The following FAM107B variants were observed in gnomAD, a reference collection of about 807,000 sequenced individuals.
FAM107B encodes the protein family with sequence similarity 107 member B, also known as protein FAM107B.
In FAM107B, 21 loss-of-function variants were observed where a neutral mutation model predicts 31.5. The observed-to-expected ratio is 0.67, with a 90% CI of 0.47 to 0.96. FAM107B has a LOEUF of 0.96. Ranked by LOEUF, FAM107B falls within the 40% of genes least tolerant of loss-of-function variation. The pLI, the probability that FAM107B is intolerant of heterozygous loss-of-function variation, is 0.00. For missense variants in FAM107B, 452 were observed against 377.1 expected (o/e 1.20, Z -1.64); for synonymous variants, 157 against 141.5 (o/e 1.11, Z -0.78).
intron 2 of FAM107B, among the ~76,000 whole-genome samples, chr10:14,622,289 C>G (rs1211839885): frequency 6.6e-6 from 1 of 150,704 alleles, no homozygotes; most frequent in Non-Finnish European, 1.5e-5. Flanking sequence ...GGACAAGCAC[C>G]TGGGAGCTAG....
intron 2 of FAM107B, among the ~76,000 whole-genome samples, chr10:14,617,691 T>C (rs1161916817): frequency 6.9e-6 from 1 of 144,182 alleles, no homozygotes; most frequent in Non-Finnish European, 1.5e-5. Flanking sequence ...CTGCTGCATC[T>C]AGGAAGGTGC....
At chr10:14,565,045 C>A (rs1850546852) in intron 2 of FAM107B, among the ~76,000 whole-genome samples, 1 of 152,106 alleles carries the variant, frequency 6.6e-6, no homozygotes, top group Admixed American at 6.5e-5. Context: ...AATAGCGAGA[C>A]CCTGTCTCTA....
At chr10:14,740,402 C>T (rs78284169) in intron 1 of FAM107B, among the ~76,000 whole-genome samples, 2,162 of 152,174 alleles carry the variant, frequency 0.014, 53 homozygotes, top group African/African-American at 0.048. Context: ...TGTTGGAAAA[C>T]GCAAAACTAT....
intron 2 of FAM107B, among the ~76,000 whole-genome samples, chr10:14,605,569 T>C (rs532891577): frequency 5.9e-5 from 9 of 152,302 alleles, no homozygotes; most frequent in African/African-American, 2.2e-4. Flanking sequence ...CAAAGATACC[T>C]ATCACACACC....
At chr10:14,551,556 TG>T (rs1233459655) in intron 2 of FAM107B, among the ~76,000 whole-genome samples, 1 of 151,836 alleles carries the variant, frequency 6.6e-6, no homozygotes, top group African/African-American at 2.4e-5. Context: ...CAGTGGTACA[TG>T]GGACATGTTA....
At chr10:14,613,866 C>G (rs1316313009) in intron 2 of FAM107B, among the ~76,000 whole-genome samples, 1 of 152,160 alleles carries the variant, frequency 6.6e-6, no homozygotes, top group African/African-American at 2.4e-5. Flanking sequence ...GGCAGTGGCT[C>G]ACACCTGTAA....
chr10:14,529,432 G>A (rs1846691050), intron 3 of FAM107B: 1 of 152,098 alleles, frequency 6.6e-6, no homozygotes, highest in Admixed American at 6.6e-5. Context: ...TCAGGAAAGA[G>A]AATTGCCATA....
rs995445702 is a variant in FAM107B, at chr10:14,667,703, C to T, written c.412-12G>A. On this transcript the variant is annotated splice_polypyrimidine_tract_variant and intron_variant, in intron 1 of 4. Transcript: ENST00000181796. Reference sequence around the variant, plus strand: ...CGAAATTCTTCTTCCTAAGCGCCAGCCCCATAAACCAGAAAAGCAGGGAGA... The same window carrying T: ...CGAAATTCTTCTTCCTAAGCGCCAGTCCCATAAACCAGAAAAGCAGGGAGA... The T allele has an allele frequency of 1.4e-5, 22 of 1,613,622 alleles. No homozygotes were observed. Among genetic ancestry groups the T allele is most frequent in the Non-Finnish European group, 1.8e-5 (21 of 1,179,830 alleles).
Position 14,760,127 on chromosome 10 carries a change from C to T in FAM107B, c.411+14126G>A, listed in dbSNP as rs534692673. On this transcript the variant is annotated intron_variant, in intron 1 of 4. Transcript: ENST00000181796. Reference sequence around the variant, plus strand: ...TAAGGCCACGTGGGAGAATAGGTTCCAAGATAATTTTTTTCCCTTGAAGAA... The same window carrying T: ...TAAGGCCACGTGGGAGAATAGGTTCTAAGATAATTTTTTTCCCTTGAAGAA... Among the ~76,000 whole-genome samples, 17 of 152,264 alleles carry T rather than the reference C, an allele frequency of 1.1e-4. No homozygotes were observed. The South Asian group carries it at 3.5e-3, about 32-fold the overall frequency.
intron 1 of FAM107B, among the ~76,000 whole-genome samples, chr10:14,738,766 G>A (rs773827453): frequency 7.2e-5 from 11 of 152,280 alleles, no homozygotes; most frequent in Non-Finnish European, 1.2e-4. Flanking sequence ...CACATGGATC[G>A]GGCCCATTGG....
At chr10:14,770,394 G>A (rs1833274184) in intron 1 of FAM107B, among the ~76,000 whole-genome samples, 1 of 151,984 alleles carries the variant, frequency 6.6e-6, no homozygotes, top group Non-Finnish European at 1.5e-5. Flanking sequence ...GTGGTGGCTG[G>A]CGCCTGTAAT....
chr10:14,713,145 C>T (rs1855699716), intron 1 of FAM107B, among the ~76,000 whole-genome samples: 1 of 152,120 alleles, frequency 6.6e-6, no homozygotes, highest in Non-Finnish European at 1.5e-5. Context: ...AACCACATTG[C>T]TGTAATGGAG....
rs528243695 is a variant in FAM107B at position 14,647,861 on chromosome 10, G to A, written c.469+19773C>T. The stretch of plus-strand genomic sequence containing the variant: ...CTGTCTCCAGATGCCAAGGCAATGC[G>A]GTAAACACCCTCTAATATTGCCCCA... On this transcript the variant is annotated intron_variant, in intron 2 of 4. Transcript: ENST00000181796. Among the ~76,000 whole-genome samples, 6 of 152,096 alleles carry A rather than the reference G, an allele frequency of 3.9e-5. No homozygotes were observed. The South Asian group carries it at 1.0e-3, about 26-fold the overall frequency.
rs78310948 is a variant in FAM107B, at chr10:14,672,149, C to T, written c.412-4458G>A. ...GTCTTGCTCTGTTGCCCAGCAGTGG[C>T]GTGATCTCGGCTCACTGCAGCCTCC... On this transcript the variant is annotated intron_variant, in intron 1 of 4. Transcript: ENST00000181796. Among the ~76,000 whole-genome samples the T allele has an allele frequency of 7.2e-3, 1,091 of 150,702 alleles. 15 individuals carry two copies. Among genetic ancestry groups the T allele is most frequent in the African/African-American group, 0.025 (1,022 of 40,888 alleles).
chr10:14,713,223 G>A (rs75282702), intron 1 of FAM107B, among the ~76,000 whole-genome samples: 4,319 of 152,180 alleles, frequency 0.028, 182 homozygotes, highest in African/African-American at 0.097. Context: ...CATACTGTTC[G>A]TCACCCTTGA....
At chr10:14,713,473 T>C (rs1216946691) in intron 1 of FAM107B, among the ~76,000 whole-genome samples, 1 of 152,128 alleles carries the variant, frequency 6.6e-6, no homozygotes, top group African/African-American at 2.4e-5. Flanking sequence ...CACGAATCTC[T>C]TGCCATTTCT....
chr10:14,521,834 A>C, intron 4 of FAM107B, 35 bp downstream of exon 4: 1 of 1,601,944 alleles, frequency 6.2e-7, no homozygotes, highest in East Asian at 2.2e-5. Flanking sequence ...CAAGACAAAA[A>C]CAAAAAAAGA....
At chr10:14,653,046 A>C (rs964866350) in intron 2 of FAM107B, among the ~76,000 whole-genome samples, 5 of 152,206 alleles carry the variant, frequency 3.3e-5, no homozygotes, top group Non-Finnish European at 7.3e-5. Flanking sequence ...GCCTTGGCTG[A>C]ACACAAAACC....
At chr10:14,713,857 A>C (rs189850191) in intron 1 of FAM107B, among the ~76,000 whole-genome samples, 1 of 152,200 alleles carries the variant, frequency 6.6e-6, no homozygotes, top group Non-Finnish European at 1.5e-5. Context: ...CATAATAAAG[A>C]ATAAGATCAT....
Sources: gnomAD v4.1 joint callset for allele counts (sites outside exome capture counted in the v4.1 genomes callset) on GRCh38, gnomAD v4.1.1 for gene constraint, MANE v1.5 for transcripts, NCBI Gene and HGNC (gene_info 2026-07-23, HGNC 2026-07-21) for gene names.